The following NARF variants were observed in gnomAD, a reference collection of about 807,000 sequenced individuals.
NARF encodes the protein iron-only hydrogenase-like protein 2.
A neutral mutation model predicts 48.0 loss-of-function variants in NARF; 41 were observed. That is an observed-to-expected ratio of 0.85 (90% CI 0.66 to 1.11). The LOEUF is 1.11. Among genes scored for constraint, NARF ranks in the 50% least tolerant of loss-of-function variants. The pLI is 0.00. For missense variants in NARF, 613 were observed against 590.2 expected, an observed-to-expected ratio of 1.04 and a Z score of -0.40; for synonymous variants, 215 against 225.5, an observed-to-expected ratio of 0.95 and a Z score of 0.42.
At chr17:82,484,080 T>C in intron 8 of NARF, 1 of 324,358 alleles carries the variant, frequency 3.1e-6, no homozygotes, top group Non-Finnish European at 5.8e-6. Flanking sequence ...GCAGGGCTGT[T>C]CATGTGTGCA....
intron 5 of NARF, among the ~76,000 whole-genome samples, chr17:82,474,183 A>G (rs1173269350): frequency 1.3e-5 from 2 of 152,198 alleles, no homozygotes; most frequent in Non-Finnish European, 2.9e-5. Context: ...CCTGTCTCTT[A>G]AGAAAATCCG....
intron 2 of NARF, 65 bp downstream of exon 2, chr17:82,460,137 G>A (rs2043398613): frequency 1.4e-6 from 2 of 1,387,112 alleles, no homozygotes; most frequent in South Asian, 1.2e-5. Context: ...TTCTCTTTGG[G>A]GGCTCACAGC....
At chr17:82,484,211 G>A (rs968857791) in intron 8 of NARF, 3 of 163,598 alleles carry the variant, frequency 1.8e-5, no homozygotes, top group Non-Finnish European at 4.0e-5. Context: ...TGCTGGGGGC[G>A]GTGACCTCGA....
intron 3 of NARF, among the ~76,000 whole-genome samples, chr17:82,466,914 A>G (rs1056009290): frequency 6.6e-6 from 1 of 151,742 alleles, no homozygotes; most frequent in African/African-American, 2.4e-5. Context: ...GCTGGTCTTG[A>G]ATTCCTGGCT....
intron 5 of NARF, chr17:82,476,548 A>G (rs931298049): frequency 6.6e-6 from 1 of 152,396 alleles, no homozygotes; most frequent in African/African-American, 2.4e-5. Context: ...GGTTCAAGCG[A>G]TTCTGCTGCC....
At position 82,460,085 on chromosome 17, in the gene NARF, T is replaced by C; in HGVS notation, c.108+13T>C. 1 of 1,611,808 alleles carries C rather than the reference T, an allele frequency of 6.2e-7. No individual in the cohort carries two copies. The highest frequency in any genetic ancestry group is 8.5e-7 in the Non-Finnish European group (1 of 1,178,070). On this transcript the variant is annotated intron_variant, in intron 2 of 10. Transcript: ENST00000309794. ...GGAAAATGGAGAGGCAAGTAGATTT[T>C]TCAGTTTTGTATCAGCCCAGAGTAA...
At chr17:82,460,761 C>G (rs978441471) in intron 2 of NARF, 3 of 152,270 alleles carry the variant, frequency 2.0e-5, no homozygotes, top group Non-Finnish European at 4.4e-5. Flanking sequence ...AAGACTCCGT[C>G]TCCGAGACTG....
chr17:82,472,056 C>G (rs2043722801), intron 4 of NARF, among the ~76,000 whole-genome samples: 1 of 152,092 alleles, frequency 6.6e-6, no homozygotes, highest in South Asian at 2.1e-4. Flanking sequence ...AAAGGTAAAG[C>G]ACACGGTCTT....
chr17:82,480,256 C>G (rs536835981), intron 6 of NARF, among the ~76,000 whole-genome samples: 3 of 152,006 alleles, frequency 2.0e-5, no homozygotes, highest in East Asian at 1.9e-4. Flanking sequence ...TGGGAAGATT[C>G]AGGAAAGTCT....
intron 4 of NARF, among the ~76,000 whole-genome samples, chr17:82,469,766 C>A (rs1045203347): frequency 1.3e-5 from 2 of 151,990 alleles, no homozygotes; most frequent in African/African-American, 2.4e-5. Flanking sequence ...CCACCACTCC[C>A]GGCTAATTTT....
rs1227923198 is a variant in NARF, at chr17:82,468,864, C to G, written c.353C>G (p.Ser118Cys). 23 of 1,614,078 alleles carry G rather than the reference C, an allele frequency of 1.4e-5. No homozygotes were observed. Among genetic ancestry groups the G allele is most frequent in the Non-Finnish European group, 1.9e-5 (23 of 1,179,970 alleles). Residue 118 changes from serine (S) to cysteine (C), a missense_variant, in exon 4 of 11, where the codon TCC becomes TGC. Physicochemically the swap from Ser to Cys is moderately radical, Grantham distance 112 (BLOSUM62 -1). Coordinates refer to ENST00000309794, the MANE Select transcript of NARF (RefSeq NM_012336.4). ...AKFNLSVTDASRRLCGFLKSL... is the reference protein window; with the variant it reads ...AKFNLSVTDACRRLCGFLKSL... ...TTCAACCTCAGTGTAACTGATGCAT[C>G]CAGAAGACTCTGTGGTTTCCTCAAA...
At chr17:82,483,528 GC>G (rs2044021535) in intron 7 of NARF, 187 bp from the exon 8 acceptor site, 1 of 571,222 alleles carries the variant, frequency 1.8e-6, no homozygotes, top group African/African-American at 1.9e-5. Flanking sequence ...ATTGAATTCT[GC>G]TTACGTTTTA....
At chr17:82,465,363 T>G (rs1453364229) in intron 3 of NARF, among the ~76,000 whole-genome samples, 1 of 152,150 alleles carries the variant, frequency 6.6e-6, no homozygotes, top group Non-Finnish European at 1.5e-5. Flanking sequence ...CTTCTTGGTT[T>G]CCATGCTGTC....
At position 82,460,028 on chromosome 17, in the gene NARF, A is replaced by G. The variant is rs1351486890; in HGVS notation, c.64A>G (p.Asn22Asp). ...SKKTKTDDQENVSADAPSPAQ... is the reference protein window; with the variant it reads ...SKKTKTDDQEDVSADAPSPAQ... Reference sequence around the variant, plus strand: ...GAAAACAAAAACTGATGACCAAGAGAATGTGTCAGCCGATGCACCGAGTCC... The same window carrying G: ...GAAAACAAAAACTGATGACCAAGAGGATGTGTCAGCCGATGCACCGAGTCC... The change falls in exon 2 of 11, where the codon AAT (asparagine) becomes GAT (aspartate). Residue 22 changes from asparagine (N) to aspartate (D), a missense_variant. Asn to Asp is a conservative substitution (Grantham distance 23). Coordinates refer to ENST00000309794, the MANE Select transcript of NARF (RefSeq NM_012336.4). 6 of 1,613,952 alleles carry G rather than the reference A, an allele frequency of 3.7e-6. No homozygotes were observed. The highest frequency in any genetic ancestry group is 5.1e-6 in the Non-Finnish European group (6 of 1,179,900).
rs894716623 is a variant in NARF, at chr17:82,479,033, C to G, written c.639+115C>G. 3.4e-6 allele frequency: 3 copies of G among 895,236 alleles called. No homozygotes were observed. In the South Asian group the frequency reaches 5.4e-5, roughly 16 times the overall value. 55.5% of individuals were successfully genotyped at this position (895,236 alleles called of 1,614,324 possible). A position where few individuals can be genotyped will look rare whatever the true frequency, so the allele number is the denominator to read the frequency against. ...GCGTGGTCACGGCCCCCCAGGTGAG[C>G]AAAAAGGAAGCTGTGGCTTCAGGAA... On this transcript the variant is annotated intron_variant, in intron 6 of 10. Coordinates refer to ENST00000309794, the MANE Select transcript of NARF (RefSeq NM_012336.4).
intron 4 of NARF, among the ~76,000 whole-genome samples, chr17:82,470,474 T>C (rs2043673058): frequency 6.6e-6 from 1 of 152,142 alleles, no homozygotes; most frequent in African/African-American, 2.4e-5. Context: ...CTTAATGTAA[T>C]ATTTTAAAAT....
upstream of NARF, chr17:82,458,632 A>G (rs1599806976): frequency 1.1e-5 from 9 of 793,682 alleles, no homozygotes; most frequent in East Asian, 3.1e-4. Context: ...CTATTGGCCC[A>G]GGGGTGCGGC....
chr17:82,469,748 G>A (rs2043654453), intron 4 of NARF, among the ~76,000 whole-genome samples: 2 of 152,104 alleles, frequency 1.3e-5, no homozygotes, highest in South Asian at 2.1e-4. Context: ...TGGGACTACA[G>A]GTGCGCGCCA....
intron 5 of NARF, 118 bp downstream of exon 5, chr17:82,472,816 C>A: frequency 7.7e-7 from 1 of 1,294,360 alleles, no homozygotes; most frequent in Non-Finnish European, 1.0e-6. Context: ...CCTTGTAGAC[C>A]AGGAGGGAAG....
Sources: gnomAD v4.1 joint callset for allele counts (sites outside exome capture counted in the v4.1 genomes callset) on GRCh38, gnomAD v4.1.1 for gene constraint, MANE v1.5 for transcripts, NCBI Gene and HGNC (gene_info 2026-07-23, HGNC 2026-07-21) for gene names.